The following SRGAP3 variants were observed in gnomAD, a reference collection of about 807,000 sequenced individuals.
SRGAP3 encodes SLIT-ROBO Rho GTPase activating protein 3, also known as SLIT-ROBO Rho GTPase-activating protein 3.
In SRGAP3, 39 loss-of-function variants were observed where a neutral mutation model predicts 121.1. The observed-to-expected ratio is 0.32, with a 90% CI of 0.25 to 0.42. The LOEUF is 0.42. Ranked by LOEUF, SRGAP3 falls within the 10% of genes least tolerant of loss-of-function variation. The pLI, the probability that SRGAP3 is intolerant of heterozygous loss-of-function variation, is 1.00. For synonymous variants in SRGAP3, 601 were observed against 570.0 expected, an observed-to-expected ratio of 1.05 and a Z score of -0.77; for missense variants, 1,213 against 1,470.6, an observed-to-expected ratio of 0.82 and a Z score of 2.86.
intron 3 of SRGAP3, among the ~76,000 whole-genome samples, chr3:9,100,113 A>T (rs779390976): frequency 3.3e-5 from 5 of 152,224 alleles, no homozygotes; most frequent in African/African-American, 4.8e-5. Context: ...TTAAATGTCA[A>T]CTTAATCTTT....
chr3:9,118,012 G>A (rs1227364322), intron 2 of SRGAP3, among the ~76,000 whole-genome samples: 5 of 151,840 alleles, frequency 3.3e-5, no homozygotes, highest in Non-Finnish European at 7.4e-5. Context: ...TGTACCTGTA[G>A]TCCCGGTTAC....
At position 9,013,855 on chromosome 3, in the gene SRGAP3, G is replaced by C; in HGVS notation, c.1814-13C>G. On this transcript the variant is annotated splice_polypyrimidine_tract_variant and intron_variant, in intron 15 of 21. Transcript: ENST00000383836. ...GGGTTCTCCAGTTCTGTAACATAAA[G>C]GGGCCTTTCAGCGTGCCTTTCATCC... 1 of 1,613,606 alleles carries C rather than the reference G, an allele frequency of 6.2e-7. No homozygotes were observed. The highest frequency in any genetic ancestry group is 8.5e-7 in the Non-Finnish European group (1 of 1,179,528).
At chr3:9,144,030 C>G (rs1175810654) in intron 1 of SRGAP3, among the ~76,000 whole-genome samples, 3 of 152,146 alleles carry the variant, frequency 2.0e-5, no homozygotes, top group Non-Finnish European at 4.4e-5. Context: ...TCCTCCTAAA[C>G]TAGCCCCCAC....
intron 1 of SRGAP3, among the ~76,000 whole-genome samples, chr3:9,156,357 T>C (rs2125066448): frequency 6.6e-6 from 1 of 152,316 alleles, no homozygotes; most frequent in Non-Finnish European, 1.5e-5. Flanking sequence ...ATTTTGCAAT[T>C]GGCTTGTCTT....
chr3:9,307,181 C>T (rs1955173921), intron 3 of SRGAP3, among the ~76,000 whole-genome samples: 1 of 152,132 alleles, frequency 6.6e-6, no homozygotes, highest in African/African-American at 2.4e-5. Flanking sequence ...ACCATGTTGG[C>T]CAGGCTGGTC....
At chr3:9,358,313 A>G (rs976350546) in intron 1 of SRGAP3, among the ~76,000 whole-genome samples, 5 of 151,850 alleles carry the variant, frequency 3.3e-5, no homozygotes, top group Non-Finnish European at 5.9e-5. Flanking sequence ...TGAATATTTC[A>G]TATGAATAAA....
chr3:9,160,390 G>C (rs1483223854), intron 1 of SRGAP3, among the ~76,000 whole-genome samples: 1 of 152,158 alleles, frequency 6.6e-6, no homozygotes, highest in African/African-American at 2.4e-5. Flanking sequence ...TTTTTTCTCT[G>C]AGGGAGCATT....
rs572974265 is a variant in SRGAP3, at chr3:9,352,427, C to A, written n.214+10413G>T. On this transcript the variant is annotated intron_variant and non_coding_transcript_variant, in intron 1 of 3. Coordinates refer to the SRGAP3 transcript ENST00000490889. ...TTGCTGGGATTACAGGCACGCATCA[C>A]TACGCCTGGCTAATTTTTGTATTAT... is the stretch of plus-strand genomic sequence containing the variant. 2.8e-3 allele frequency among the ~76,000 whole-genome samples: 428 copies of A among 152,230 alleles called. 2 individuals carry two copies. Among genetic ancestry groups the A allele is most frequent in the Admixed American group, 0.01 (156 of 15,286 alleles).
intron 1 of SRGAP3, among the ~76,000 whole-genome samples, chr3:9,139,358 GATC>G (rs1273636344): frequency 3.3e-5 from 5 of 152,170 alleles, no homozygotes; most frequent in Non-Finnish European, 5.9e-5. Context: ...GATTATCCTG[GATC>G]ATCTGGGTGG....
At chr3:9,111,090 T>G (rs1007420338) in intron 2 of SRGAP3, among the ~76,000 whole-genome samples, 5 of 152,194 alleles carry the variant, frequency 3.3e-5, no homozygotes, top group Admixed American at 2.0e-4. Flanking sequence ...TGTTGAATAT[T>G]TTGTATAGAT....
intron 3 of SRGAP3, among the ~76,000 whole-genome samples, chr3:9,321,400 T>G (rs1048211069): frequency 6.6e-6 from 1 of 151,930 alleles, no homozygotes; most frequent in African/African-American, 2.4e-5. Context: ...TATATAGCAA[T>G]AGATAACTAA....
chr3:9,215,943 C>T (rs1952602505), intron 1 of SRGAP3, among the ~76,000 whole-genome samples: 1 of 152,198 alleles, frequency 6.6e-6, no homozygotes, highest in South Asian at 2.1e-4. Flanking sequence ...CATGGGACTT[C>T]CCAACCTCCA....
At chr3:9,006,348 C>T (rs1161766) in intron 18 of SRGAP3, among the ~76,000 whole-genome samples, 88,718 of 148,572 alleles carry the variant, frequency 0.6, 27,126 homozygotes, top group African/African-American at 0.73. Context: ...TGCAGTGAGC[C>T]GAGATCACAC....
chr3:9,075,943 C>T (rs940110799), intron 4 of SRGAP3, among the ~76,000 whole-genome samples: 1 of 152,186 alleles, frequency 6.6e-6, no homozygotes, highest in African/African-American at 2.4e-5. Context: ...TCATTACTGG[C>T]ATGGCTGCAG....
At chr3:9,348,419 G>C in intron 1 of SRGAP3, 1 of 603,268 alleles carries the variant, frequency 1.7e-6, no homozygotes, top group Middle Eastern at 4.8e-4. Flanking sequence ...ACCCCAGTCA[G>C]CGTCGCATCC....
rs200074544 is a variant in SRGAP3 at position 9,027,030 on chromosome 3, T to C, written c.1540-35A>G. On this transcript the variant is annotated intron_variant, in intron 12 of 21. Coordinates refer to ENST00000383836, the MANE Select transcript of SRGAP3 (RefSeq NM_014850.4). ...AGAAAAATTGTGAGTTTTATGGGGC[T>C]TGACAACCACCACAGGAAAAAGACA... 4 of 1,598,774 alleles carry C rather than the reference T, an allele frequency of 2.5e-6. No homozygotes were observed. In the African/African-American group the frequency reaches 5.4e-5, roughly 21 times the overall value.
intron 18 of SRGAP3, among the ~76,000 whole-genome samples, chr3:8,999,585 A>G (rs1342130063): frequency 1.3e-5 from 2 of 152,180 alleles, no homozygotes; most frequent in African/African-American, 4.8e-5. Context: ...CACTAATCTC[A>G]TGCAACCAGT....
chr3:9,290,722 T>C (rs982942088), intron 3 of SRGAP3, among the ~76,000 whole-genome samples: 1 of 152,150 alleles, frequency 6.6e-6, no homozygotes, highest in African/African-American at 2.4e-5. Context: ...AAGGGGGGAA[T>C]TCTCAAGACC....
At chr3:9,298,303 TA>T (rs1277919825) in intron 3 of SRGAP3, among the ~76,000 whole-genome samples, 15 of 152,202 alleles carry the variant, frequency 9.9e-5, no homozygotes, top group African/African-American at 3.6e-4. Flanking sequence ...TTATTACTAT[TA>T]AAACATAATT....
Sources: allele counts gnomAD v4.1 joint callset (sites outside exome capture counted in the v4.1 genomes callset), GRCh38; gene constraint gnomAD v4.1.1; transcripts MANE v1.5; gene names NCBI Gene and HGNC (gene_info 2026-07-23, HGNC 2026-07-21).